The following MTHFD1L variants were observed in gnomAD, a reference collection of about 807,000 sequenced individuals.
MTHFD1L encodes monofunctional C1-tetrahydrofolate synthase, mitochondrial.
In MTHFD1L, 81 loss-of-function variants were observed where a neutral mutation model predicts 119.5. The observed-to-expected ratio is 0.68, with a 90% CI of 0.57 to 0.82. The LOEUF is 0.82. Among genes scored for constraint, MTHFD1L ranks in the 40% least tolerant of loss-of-function variants. The pLI, the probability that MTHFD1L is intolerant of heterozygous loss-of-function variation, is 0.00. For synonymous variants in MTHFD1L, 430 were observed against 475.2 expected (o/e 0.90, Z 1.24); for missense variants, 1,125 against 1,253.4 (o/e 0.90, Z 1.55).
chr6:151,085,911 G>A (rs1303443111), intron 26 of MTHFD1L, among the ~76,000 whole-genome samples: 1 of 151,344 alleles, frequency 6.6e-6, no homozygotes. Flanking sequence ...CTGGTCACCT[G>A]GGTGTCCTGG....
intron 20 of MTHFD1L, among the ~76,000 whole-genome samples, chr6:150,998,397 T>A (rs868182381): frequency 1.3e-5 from 2 of 152,188 alleles, no homozygotes; most frequent in Admixed American, 1.3e-4. Context: ...ATAATCATAG[T>A]TTCTCTTGCT....
At chr6:151,054,068 A>G (rs931468215) in intron 26 of MTHFD1L, among the ~76,000 whole-genome samples, 1 of 152,196 alleles carries the variant, frequency 6.6e-6, no homozygotes, top group African/African-American at 2.4e-5. Flanking sequence ...AGATGGAAAC[A>G]TTTCGGCAGG....
At chr6:150,876,248 A>T (rs1780420441) in intron 2 of MTHFD1L, 74 bp downstream of exon 2, 1 of 1,206,606 alleles carries the variant, frequency 8.3e-7, no homozygotes, top group African/African-American at 1.6e-5. Flanking sequence ...TATACAAAAG[A>T]GCAGCTGCAT....
intron 26 of MTHFD1L, among the ~76,000 whole-genome samples, chr6:151,080,357 C>T (rs978089144): frequency 7.2e-5 from 11 of 152,080 alleles, no homozygotes; most frequent in African/African-American, 2.2e-4. Flanking sequence ...AGGGCAGCTG[C>T]GGAGTCCCAG....
At chr6:150,950,836 A>C (rs769086351) in intron 16 of MTHFD1L, among the ~76,000 whole-genome samples, 1 of 151,866 alleles carries the variant, frequency 6.6e-6, no homozygotes, top group Non-Finnish European at 1.5e-5. Flanking sequence ...CACGTGGCTA[A>C]TTTTTGTATT....
chr6:151,044,214 C>G (rs73620689), intron 26 of MTHFD1L, among the ~76,000 whole-genome samples: 10,578 of 152,072 alleles, frequency 0.07, 1,257 homozygotes, highest in African/African-American at 0.24. Context: ...TTCCTTCCCT[C>G]TGTCTTCCTG....
intron 20 of MTHFD1L, among the ~76,000 whole-genome samples, chr6:151,006,766 A>G (rs1392884457): frequency 2.0e-5 from 3 of 152,138 alleles, no homozygotes; most frequent in African/African-American, 7.2e-5. Context: ...TCTCAAACAC[A>G]TGGTCCGTAT....
At chr6:150,961,636 T>C (rs1330002860) in intron 18 of MTHFD1L, among the ~76,000 whole-genome samples, 1 of 152,248 alleles carries the variant, frequency 6.6e-6, no homozygotes, top group African/African-American at 2.4e-5. Flanking sequence ...GCTTAGGGTA[T>C]AATTTGAATT....
chr6:151,001,628 TTGGGATCTGATCACTCGGC>T (rs1562519863), intron 20 of MTHFD1L, among the ~76,000 whole-genome samples: 1 of 152,124 alleles, frequency 6.6e-6, no homozygotes, highest in Non-Finnish European at 1.5e-5. Flanking sequence ...AAGGCAAGTC[TTGGGATCTGATCACTCGGC>T]TGGGAGTGGG....
chr6:150,962,897 C>CT (rs1265308814), intron 18 of MTHFD1L, among the ~76,000 whole-genome samples: 21 of 145,434 alleles, frequency 1.4e-4, no homozygotes, highest in Non-Finnish European at 2.7e-4. Flanking sequence ...CTGAAGATTT[C>CT]TTTTTTCTTT....
At chr6:150,961,921 T>C (rs1796505665) in intron 18 of MTHFD1L, among the ~76,000 whole-genome samples, 1 of 152,228 alleles carries the variant, frequency 6.6e-6, no homozygotes, top group Admixed American at 6.5e-5. Context: ...GCAATAAATA[T>C]GTGTCAGGAA....
At chr6:150,919,594 G>A (rs936358486) in intron 9 of MTHFD1L, among the ~76,000 whole-genome samples, 4 of 152,170 alleles carry the variant, frequency 2.6e-5, no homozygotes, top group Middle Eastern at 3.2e-3. Flanking sequence ...GCCTCACCAA[G>A]CTTCCAAGAA....
intron 16 of MTHFD1L, among the ~76,000 whole-genome samples, chr6:150,955,398 A>C (rs1206805066): frequency 6.7e-6 from 1 of 150,004 alleles, no homozygotes; most frequent in African/African-American, 2.5e-5. Context: ...CCTTTTGACT[A>C]TTTTGAATAG....
intron 13 of MTHFD1L, among the ~76,000 whole-genome samples, chr6:150,940,687 T>A (rs1792943304): frequency 6.6e-6 from 1 of 152,134 alleles, no homozygotes; most frequent in Admixed American, 6.5e-5. Context: ...TTCAAGTGAT[T>A]CTCCTGCCTC....
At chr6:150,922,835 G>A (rs777361348) in intron 10 of MTHFD1L, among the ~76,000 whole-genome samples, 13 of 150,210 alleles carry the variant, frequency 8.7e-5, no homozygotes, top group Non-Finnish European at 1.9e-4. Flanking sequence ...GTAGAGATGG[G>A]GGTTTCACCA....
chr6:150,876,322 G>C, intron 2 of MTHFD1L, 148 bp downstream of exon 2: 1 of 659,830 alleles, frequency 1.5e-6, no homozygotes, highest in Non-Finnish European at 2.6e-6. Context: ...TGCTTCTTTG[G>C]GGTCACGGGT....
At chr6:150,939,328 AT>A (rs1332929800) in intron 13 of MTHFD1L, 1 of 152,388 alleles carries the variant, frequency 6.6e-6, no homozygotes, top group Non-Finnish European at 1.5e-5. Context: ...CCCATTAAAA[AT>A]AAAAGACCCC....
At chr6:150,867,135 T>C (rs367843115) in intron 1 of MTHFD1L, among the ~76,000 whole-genome samples, 5 of 152,072 alleles carry the variant, frequency 3.3e-5, no homozygotes, top group African/African-American at 9.7e-5. Context: ...TTTCCTAGGC[T>C]CTTTATTATG....
At chr6:150,965,775 T>G (rs1217311067) in intron 19 of MTHFD1L, among the ~76,000 whole-genome samples, 1 of 152,270 alleles carries the variant, frequency 6.6e-6, no homozygotes, top group Non-Finnish European at 1.5e-5. Context: ...TGTGGATTTT[T>G]TGGTTTGCTT....
Sources: allele counts gnomAD v4.1 joint callset (sites outside exome capture counted in the v4.1 genomes callset), GRCh38; gene constraint gnomAD v4.1.1; transcripts MANE v1.5; gene names NCBI Gene and HGNC (gene_info 2026-07-23, HGNC 2026-07-21).